Variants in ARFGEF3 observed in about 807,000 individuals in gnomAD.
ARFGEF3 encodes brefeldin A-inhibited guanine nucleotide-exchange protein 3.
A neutral mutation model predicts 221.7 loss-of-function variants in ARFGEF3; 96 were observed. The ratio of observed to expected loss-of-function variants is 0.43; its 90% confidence interval spans 0.37 to 0.51. The LOEUF is 0.51. Among genes scored for constraint, ARFGEF3 ranks in the 20% least tolerant of loss-of-function variants. The probability of loss-of-function intolerance (pLI) is 0.00; values close to 1 mark genes in which losing one functional copy is unlikely to be tolerated. For synonymous variants in ARFGEF3, 1,145 were observed against 1,126.8 expected, an observed-to-expected ratio of 1.02 and a Z score of -0.32; for missense variants, 2,410 against 2,789.9, an observed-to-expected ratio of 0.86 and a Z score of 3.07.
chr6:138,163,258 T>A (rs146411177), intron 1 of ARFGEF3, among the ~76,000 whole-genome samples: 1 of 152,230 alleles, frequency 6.6e-6, no homozygotes, highest in South Asian at 2.1e-4. Context: ...CATCTTTTTT[T>A]AAACCTGTGC....
At position 138,327,962 on chromosome 6, in the gene ARFGEF3, C is replaced by G. The variant is rs1583069646; in HGVS notation, c.5002-59C>G. The G allele has an allele frequency of 2.5e-5, 36 of 1,449,998 alleles. No homozygotes were observed. In the East Asian group the frequency reaches 8.7e-4, roughly 35 times the overall value. The allele number at this position is 1,449,998 out of a possible 1,614,324, so 89.8% of individuals were successfully genotyped here. A position where few individuals can be genotyped will look rare whatever the true frequency, so the allele number is the denominator to read the frequency against. Reference sequence around the variant, plus strand: ...TTGCCCAGGGTCATCCAGCTGATCCCTGACAGGTCAAGCAGAGGACACTGG... The same window carrying G: ...TTGCCCAGGGTCATCCAGCTGATCCGTGACAGGTCAAGCAGAGGACACTGG... On this transcript the variant is annotated intron_variant, in intron 31 of 33. Transcript: ENST00000251691.
In ARFGEF3 at chr6:138,313,900, G is replaced by C; in HGVS notation, c.4306G>C (p.Gly1436Arg). 6.2e-7 allele frequency: 1 copy of C among 1,613,872 alleles called. No individual in the cohort carries two copies. Among genetic ancestry groups the C allele is most frequent in the Admixed American group, 1.7e-5 (1 of 60,012 alleles). Residue 1436 changes from glycine (G) to arginine (R), a missense_variant, in exon 26 of 34, where the codon GGA (glycine) becomes CGA (arginine). Physicochemically the swap from Gly to Arg is moderately radical, Grantham distance 125. Around this residue, in one of 5 missense-constraint regions of ARFGEF3, gnomAD observed 723 missense variants for 991.9 expected, o/e 0.73. Transcript: ENST00000251691. ...GGAACAGTCAGCCAGCAGTGAGGAT[G>C]GAATTGAATCAGTCCTGTCTGATTT... ...LQEQSASSED[G>R]IESVLSDFDD...
intron 13 of ARFGEF3, among the ~76,000 whole-genome samples, chr6:138,279,536 G>A (rs1234483736): frequency 6.6e-6 from 1 of 152,214 alleles, no homozygotes; most frequent in Non-Finnish European, 1.5e-5. Context: ...GGATCTACAT[G>A]AAGGAAATCA....
intron 10 of ARFGEF3, among the ~76,000 whole-genome samples, chr6:138,256,105 G>A (rs763358944): frequency 2.6e-5 from 4 of 152,044 alleles, no homozygotes; most frequent in Admixed American, 6.6e-5. Flanking sequence ...GTGTTTATTC[G>A]CCTTTGCCAA....
rs533967949 is a variant in ARFGEF3 at position 138,187,793 on chromosome 6, A to C, written c.137+17080A>C. 2.0e-5 allele frequency among the ~76,000 whole-genome samples: 3 copies of C among 152,336 alleles called. No homozygotes were observed. The East Asian group carries it at 5.8e-4, about 29-fold the overall frequency. ...TGGGAGAAACACTGTAGCCCACCTC[A>C]GCATCCACCTGATGTGAACAGTGTG... On this transcript the variant is annotated intron_variant, in intron 2 of 33. Coordinates refer to ENST00000251691, the MANE Select transcript of ARFGEF3 (RefSeq NM_020340.5).
At chr6:138,281,580 C>G (rs1407001554) in intron 14 of ARFGEF3, among the ~76,000 whole-genome samples, 1 of 152,208 alleles carries the variant, frequency 6.6e-6, no homozygotes, top group Non-Finnish European at 1.5e-5. Context: ...GTTTTCTGTT[C>G]CTGCATTAAC....
Position 138,280,936 on chromosome 6 carries a change from C to T in ARFGEF3, c.2461+772C>T, listed in dbSNP as rs193096910. Among the ~76,000 whole-genome samples, 30 of 152,274 alleles carry T rather than the reference C, an allele frequency of 2.0e-4. No individual in the cohort carries two copies. The East Asian group carries it at 5.6e-3, about 28-fold the overall frequency. On this transcript the variant is annotated intron_variant, in intron 14 of 33. Coordinates refer to ENST00000251691, the MANE Select transcript of ARFGEF3 (RefSeq NM_020340.5). ...AGCTGTACCAGAATTAATAATAATG[C>T]CAAATACTTACCAGCATCCTTGTCT...
At chr6:138,298,809 G>T (rs752665996) in intron 22 of ARFGEF3, 24 bp downstream of exon 22, 53 of 1,589,512 alleles carry the variant, frequency 3.3e-5, no homozygotes, top group Non-Finnish European at 4.6e-5. Context: ...GGTCATCAGC[G>T]TCATAGCTGG....
At chr6:138,313,760 A>C in intron 25 of ARFGEF3, 35 bp from the exon 26 acceptor site, 2 of 1,582,722 alleles carry the variant, frequency 1.3e-6, no homozygotes, top group Non-Finnish European at 1.7e-6. Context: ...TTTTTCCAAC[A>C]TATAATTGCA....
At chr6:138,259,265 G>A (rs1044923060) in intron 10 of ARFGEF3, among the ~76,000 whole-genome samples, 4 of 152,216 alleles carry the variant, frequency 2.6e-5, no homozygotes, top group Admixed American at 1.3e-4. Flanking sequence ...TGAAGGCTTG[G>A]TATGTTATTT....
intron 29 of ARFGEF3, among the ~76,000 whole-genome samples, chr6:138,322,149 C>G (rs1332998299): frequency 6.6e-6 from 1 of 152,132 alleles, no homozygotes; most frequent in Non-Finnish European, 1.5e-5. Context: ...CAGTTGAAGA[C>G]CTGAATAGAA....
At position 138,334,909 on chromosome 6, in the gene ARFGEF3, C is replaced by G; in HGVS notation, c.6063C>G (p.Thr2021=). 1.3e-6 allele frequency: 2 copies of G among 1,591,444 alleles called. No homozygotes were observed. Among genetic ancestry groups the G allele is most frequent in the South Asian group, 2.3e-5 (2 of 87,152 alleles). Residue 2021 remains threonine (T), a synonymous_variant, in exon 33 of 34, where the codon ACC becomes ACG. Coordinates refer to ENST00000251691, the MANE Select transcript of ARFGEF3 (RefSeq NM_020340.5). This position sits in a 1 kb window ranked among gnomAD's most constrained non-coding sequence, Gnocchi z 5.1. ...TCTACACCATGGCAGCCGACAAGAC[C>G]ATTTCAAAGTTGATGACCGAATACA... ...NKIYTMAADK[T]ISKLMTEYKK...
rs1466402131 is a variant in ARFGEF3, at chr6:138,321,239, T to C, written c.4766+14T>C. On this transcript the variant is annotated intron_variant, in intron 29 of 33. Transcript: ENST00000251691. The stretch of plus-strand genomic sequence containing the variant: ...CTCCTGTATTAGGTGAGGAAATGCT[T>C]TCCTGACTCTCCACAAAGCTGGAGT... The C allele has an allele frequency of 7.6e-7, 1 of 1,307,484 alleles. No individual in the cohort carries two copies. 81.0% of individuals were successfully genotyped at this position (1,307,484 alleles called of 1,614,324 possible).
chr6:138,218,015 G>T (rs1340552503), intron 4 of ARFGEF3: 1 of 1,612,448 alleles, frequency 6.2e-7, no homozygotes, highest in Non-Finnish European at 8.5e-7. Context: ...GTATAGTTTT[G>T]GATAAGTAGA....
In ARFGEF3 at chr6:138,255,418, C is replaced by T. The variant is rs368372694; in HGVS notation, c.771-18C>T. ...TTGGCTCGTGGGGAAAGTTACTTTT[C>T]TCACCATCTCTTCCCAGGAAAAACC... On this transcript the variant is annotated intron_variant, in intron 9 of 33. Coordinates refer to ENST00000251691, the MANE Select transcript of ARFGEF3 (RefSeq NM_020340.5). The T allele has an allele frequency of 3.9e-6, 6 of 1,548,138 alleles. No homozygotes were observed. Among genetic ancestry groups the T allele is most frequent in the Non-Finnish European group, 5.3e-6 (6 of 1,138,922 alleles).
intron 28 of ARFGEF3, among the ~76,000 whole-genome samples, 156 bp downstream of exon 28, chr6:138,320,035 T>TAATA (rs1779994943): frequency 6.6e-6 from 1 of 152,222 alleles, no homozygotes. Context: ...GCCAGCCTTC[T>TAATA]AATAGATTTT....
intron 26 of ARFGEF3, among the ~76,000 whole-genome samples, chr6:138,315,244 G>T (rs1322777519): frequency 6.6e-6 from 1 of 152,108 alleles, no homozygotes; most frequent in Non-Finnish European, 1.5e-5. Context: ...TGATTTTAAA[G>T]AATTTGTTTC....
At chr6:138,307,175 G>A in intron 22 of ARFGEF3, 78 bp from the exon 23 acceptor site, 1 of 1,470,054 alleles carries the variant, frequency 6.8e-7, no homozygotes, top group Non-Finnish European at 9.4e-7. Flanking sequence ...AGGGGACAGA[G>A]AAATACATCA....
intron 7 of ARFGEF3, among the ~76,000 whole-genome samples, chr6:138,244,747 G>A (rs1583029414): frequency 6.6e-6 from 1 of 152,084 alleles, no homozygotes; most frequent in Non-Finnish European, 1.5e-5. Flanking sequence ...TGATTTCTTA[G>A]TTCCAAAGCC....
Sources: allele counts gnomAD v4.1 joint callset (sites outside exome capture counted in the v4.1 genomes callset), GRCh38; gene constraint gnomAD v4.1.1; regional missense constraint gnomAD v4.1.1; non-coding constraint Gnocchi (gnomAD v3.1); transcripts MANE v1.5; gene names NCBI Gene and HGNC (gene_info 2026-07-23, HGNC 2026-07-21).